Variants in FBXO42 observed in about 807,000 individuals in gnomAD.
FBXO42 encodes F-box protein 42, also known as F-box only protein 42.
In FBXO42, 12 loss-of-function variants were observed where a neutral mutation model predicts 71.7. The observed-to-expected ratio is 0.17, with a 90% CI of 0.11 to 0.27. FBXO42 has a LOEUF of 0.27. FBXO42 is among the 10% of genes least tolerant of loss of function. The probability of loss-of-function intolerance (pLI) is 1.00; values close to 1 mark genes in which losing one functional copy is unlikely to be tolerated. For synonymous variants in FBXO42, 325 were observed against 327.5 expected, an observed-to-expected ratio of 0.99 and a Z score of 0.08; for missense variants, 707 against 911.9, an observed-to-expected ratio of 0.78 and a Z score of 2.89.
intron 1 of FBXO42, among the ~76,000 whole-genome samples, chr1:16,317,387 C>G (rs1264183166): frequency 1.3e-5 from 2 of 151,672 alleles, no homozygotes; most frequent in East Asian, 1.9e-4. Context: ...CGCACTCCAG[C>G]CTGGGCAATA....
At chr1:16,256,864 A>T in intron 4 of FBXO42, 105 bp from the exon 5 acceptor site, 1 of 1,180,212 alleles carries the variant, frequency 8.5e-7, no homozygotes, top group Non-Finnish European at 1.2e-6. Flanking sequence ...CAAAAGGGGA[A>T]CTAATACTAC....
intron 4 of FBXO42, chr1:16,292,376 A>G (rs1166694271): frequency 1.3e-5 from 2 of 151,602 alleles, no homozygotes; most frequent in African/African-American, 2.4e-5. Flanking sequence ...GTCTGGGCTT[A>G]TATCTGTGGG....
rs1557598907 is a variant in FBXO42, at chr1:16,315,337, G to C, written c.82C>G (p.Gln28Glu). ...AATACTGGGTGGGGCTCCTCATCTT[G>C]ATCCATTGTCCCTTCCAGCACAGTT... ...EETVLEGTMD[Q>E]DEEPHPVLEA... The change falls in exon 2 of 10, where the codon CAA (glutamine) becomes GAA (glutamate). Residue 28 changes from glutamine (Q) to glutamate (E), a missense_variant. Gln to Glu is a conservative substitution (Grantham distance 29, BLOSUM62 2). Around this residue, in one of 5 missense-constraint regions of FBXO42, gnomAD observed 188 missense variants for 230.5 expected, o/e 0.82. Coordinates refer to ENST00000375592, the MANE Select transcript of FBXO42 (RefSeq NM_018994.3). 1 of 1,614,124 alleles carries C rather than the reference G, an allele frequency of 6.2e-7. No homozygotes were observed.
chr1:16,341,972 CAAAA>C (rs56035222), intron 1 of FBXO42, among the ~76,000 whole-genome samples: 1 of 99,886 alleles, frequency 1.0e-5, no homozygotes, highest in Non-Finnish European at 2.0e-5. Flanking sequence ...ATTCCGTCTC[CAAAA>C]AAAAAAAAAA....
chr1:16,316,048 T>C (rs2082360348), intron 1 of FBXO42, among the ~76,000 whole-genome samples: 1 of 151,360 alleles, frequency 6.6e-6, no homozygotes. Context: ...CACATGCCTG[T>C]AATCCCAGCT....
intron 2 of FBXO42, among the ~76,000 whole-genome samples, chr1:16,311,487 C>CAAAAA (rs138051911): frequency 9.0e-6 from 1 of 110,766 alleles, no homozygotes; most frequent in African/African-American, 3.4e-5. Flanking sequence ...GATCTTGTCT[C>CAAAAA]AAAAAAAAAA....
intron 4 of FBXO42, chr1:16,292,871 G>C (rs540855403): frequency 2.0e-5 from 3 of 152,276 alleles, no homozygotes; most frequent in South Asian, 4.1e-4. Flanking sequence ...GGATGCTTAA[G>C]CTGAGAAGAT....
In FBXO42 at chr1:16,252,974, G is replaced by A. The variant is rs1236634150; in HGVS notation, c.921+122C>T. On this transcript the variant is annotated intron_variant, in intron 8 of 9. Transcript: ENST00000375592. The surrounding 1 kb of genome is among the most constrained non-coding windows in gnomAD (Gnocchi z 4.4). ...AAAATACAAAGGCTATACCCAAAAA[G>A]CATTCCTTAAATTAAAATGCCATGG... 1.4e-5 allele frequency: 11 copies of A among 807,550 alleles called. No homozygotes were observed. Among genetic ancestry groups the A allele is most frequent in the East Asian group, 1.2e-4 (4 of 34,440 alleles). The allele number at this position is 807,550 out of a possible 1,614,324, so 50.0% of individuals were successfully genotyped here.
At chr1:16,318,036 T>C (rs949084535) in intron 1 of FBXO42, among the ~76,000 whole-genome samples, 5 of 152,188 alleles carry the variant, frequency 3.3e-5, no homozygotes, top group Non-Finnish European at 7.3e-5. Flanking sequence ...ACTAGTAAAG[T>C]TCTGTTTCCT....
chr1:16,285,862 CT>C (rs994805924), intron 4 of FBXO42, among the ~76,000 whole-genome samples: 14 of 152,032 alleles, frequency 9.2e-5, no homozygotes, highest in African/African-American at 3.4e-4. Flanking sequence ...ACACCATTCT[CT>C]TTTTTGTTTT....
chr1:16,315,075 A>G lies in FBXO42; in HGVS notation c.250+94T>C, dbSNP rs2082350830. 2.3e-5 allele frequency: 31 copies of G among 1,343,786 alleles called. No homozygotes were observed. The South Asian group carries it at 3.6e-4, about 16-fold the overall frequency. 83.2% of individuals were successfully genotyped at this position (1,343,786 alleles called of 1,614,324 possible). A position where few individuals can be genotyped will look rare whatever the true frequency, so the allele number is the denominator to read the frequency against. On this transcript the variant is annotated intron_variant, in intron 2 of 9. Coordinates refer to ENST00000375592, the MANE Select transcript of FBXO42 (RefSeq NM_018994.3). ...TAATGCTAGATTTTATAACCATAAT[A>G]CATTTAAGGGAGGAAAAAAACTAAA... is the stretch of plus-strand genomic sequence containing the variant.
chr1:16,274,857 T>G (rs2100485211), intron 4 of FBXO42, among the ~76,000 whole-genome samples: 1 of 152,260 alleles, frequency 6.6e-6, no homozygotes, highest in South Asian at 2.1e-4. Flanking sequence ...CCCACAGTGC[T>G]GGGATTACAG....
At chr1:16,278,015 C>T (rs1213113464) in intron 4 of FBXO42, among the ~76,000 whole-genome samples, 1 of 151,288 alleles carries the variant, frequency 6.6e-6, no homozygotes, top group African/African-American at 2.4e-5. Flanking sequence ...GTACTCCAGC[C>T]TGGGTGATGG....
At chr1:16,287,281 G>A (rs1390641800) in intron 4 of FBXO42, among the ~76,000 whole-genome samples, 1 of 152,026 alleles carries the variant, frequency 6.6e-6, no homozygotes, top group East Asian at 1.9e-4. Context: ...CTCACTTCTT[G>A]TACCCATCAA....
At chr1:16,331,342 G>T (rs2082498454) in intron 1 of FBXO42, among the ~76,000 whole-genome samples, 5 of 151,988 alleles carry the variant, frequency 3.3e-5, no homozygotes, top group Admixed American at 3.3e-4. Flanking sequence ...GAACCCGGGG[G>T]AGGCAGAGCT....
Position 16,317,412 on chromosome 1 carries a change from C to CAACA in FBXO42, c.-17-1981_-17-1978dup, listed in dbSNP as rs34170464. The stretch of plus-strand genomic sequence containing the variant: ...CCTGGGCAATAGAGTGAGATCGTCT[C>CAACA]AACAAACAAACAAACAAACAAAAAT... On this transcript the variant is annotated intron_variant, in intron 1 of 9. Transcript: ENST00000375592. Among the ~76,000 whole-genome samples, 992 of 150,722 alleles carry CAACA rather than the reference C, an allele frequency of 6.6e-3. 6 individuals are homozygous for CAACA. Among genetic ancestry groups the CAACA allele is most frequent in the African/African-American group, 0.023 (924 of 40,920 alleles).
chr1:16,263,810 T>TA (rs1261105034), intron 4 of FBXO42, among the ~76,000 whole-genome samples: 1 of 140,554 alleles, frequency 7.1e-6, no homozygotes, highest in Non-Finnish European at 1.5e-5. Flanking sequence ...ACATTAACTT[T>TA]TTTTTTTTTT....
intron 4 of FBXO42, chr1:16,293,765 A>C (rs1384781472): frequency 6.6e-6 from 1 of 152,234 alleles, no homozygotes; most frequent in African/African-American, 2.4e-5. Flanking sequence ...GCGGTTATAG[A>C]AAGGGAAACA....
chr1:16,276,158 G>T (rs1188429416), intron 4 of FBXO42, among the ~76,000 whole-genome samples: 1 of 151,956 alleles, frequency 6.6e-6, no homozygotes, highest in Admixed American at 6.6e-5. Flanking sequence ...GAGGTGGGTG[G>T]ATCACGAGGT....
Sources: allele counts gnomAD v4.1 joint callset (sites outside exome capture counted in the v4.1 genomes callset), GRCh38; gene constraint gnomAD v4.1.1; regional missense constraint gnomAD v4.1.1; non-coding constraint Gnocchi (gnomAD v3.1); transcripts MANE v1.5; gene names NCBI Gene and HGNC (gene_info 2026-07-23, HGNC 2026-07-21).